MRPL13: variants seen among roughly 807,000 people sequenced by gnomAD.
The protein encoded by MRPL13 is mitochondrial ribosomal protein L13.
A neutral mutation model predicts 29.0 loss-of-function variants in MRPL13; 33 were observed. That is an observed-to-expected ratio of 1.14 (90% CI 0.86 to 1.52). The LOEUF is 1.52. Among genes scored for constraint, MRPL13 ranks in the 40% most tolerant of loss-of-function variants. The pLI is 0.00. For synonymous variants in MRPL13, 77 were observed against 68.4 expected (o/e 1.13, Z -0.62); for missense variants, 227 against 216.7 (o/e 1.05, Z -0.30).
At chr8:120,406,294 G>T (rs1307173983) in intron 6 of MRPL13, among the ~76,000 whole-genome samples, 1 of 152,092 alleles carries the variant, frequency 6.6e-6, no homozygotes, top group African/African-American at 2.4e-5. Context: ...ATTAAAGTAA[G>T]GCCTGTTAAG....
At chr8:120,440,423 TG>T (rs1813104433) in intron 2 of MRPL13, among the ~76,000 whole-genome samples, 1 of 152,042 alleles carries the variant, frequency 6.6e-6, no homozygotes, top group South Asian at 2.1e-4. Flanking sequence ...CCTGGCAACA[TG>T]GTGAAACCCT....
At chr8:120,404,027 A>C (rs1247203827) in intron 6 of MRPL13, among the ~76,000 whole-genome samples, 1 of 152,224 alleles carries the variant, frequency 6.6e-6, no homozygotes, top group East Asian at 1.9e-4. Context: ...AACTGCATCC[A>C]AAGTCTGGGA....
chr8:120,405,691 A>G (rs1398097623), intron 6 of MRPL13, among the ~76,000 whole-genome samples: 10 of 152,194 alleles, frequency 6.6e-5, no homozygotes, highest in Non-Finnish European at 1.2e-4. Context: ...CCCAAACTGT[A>G]GTTCAAGCAG....
chr8:120,399,445 T>G (rs1251110110), intron 6 of MRPL13, among the ~76,000 whole-genome samples: 2 of 152,084 alleles, frequency 1.3e-5, no homozygotes, highest in Non-Finnish European at 2.9e-5. Context: ...AAACAAATAC[T>G]GAGGGAATTC....
At chr8:120,399,381 T>A (rs1422541704) in intron 6 of MRPL13, among the ~76,000 whole-genome samples, 3 of 152,188 alleles carry the variant, frequency 2.0e-5, no homozygotes, top group Non-Finnish European at 4.4e-5. Flanking sequence ...CAGAATTTCA[T>A]GTCTGGCCAA....
At chr8:120,433,885 T>C (rs933420579) in intron 2 of MRPL13, among the ~76,000 whole-genome samples, 2 of 152,120 alleles carry the variant, frequency 1.3e-5, no homozygotes, top group Non-Finnish European at 2.9e-5. Flanking sequence ...AAACTGCACA[T>C]TTAATATATA....
chr8:120,441,424 G>A (rs756179022), intron 2 of MRPL13, among the ~76,000 whole-genome samples: 7 of 152,102 alleles, frequency 4.6e-5, no homozygotes, highest in Non-Finnish European at 1.0e-4. Context: ...AATTTTTGGT[G>A]AGAAGAGCAT....
chr8:120,413,435 A>G (rs913080678), intron 6 of MRPL13, among the ~76,000 whole-genome samples: 1 of 152,200 alleles, frequency 6.6e-6, no homozygotes, highest in African/African-American at 2.4e-5. Flanking sequence ...CTGCCTGAGG[A>G]AGTTACACTT....
intron 4 of MRPL13, among the ~76,000 whole-genome samples, chr8:120,421,679 C>T (rs776580096): frequency 2.6e-5 from 4 of 151,840 alleles, no homozygotes; most frequent in Non-Finnish European, 5.9e-5. Context: ...GGATTTAACT[C>T]TGAAATATTT....
intron 4 of MRPL13, among the ~76,000 whole-genome samples, chr8:120,424,956 A>G (rs1228449010): frequency 6.6e-6 from 1 of 152,084 alleles, no homozygotes; most frequent in African/African-American, 2.4e-5. Context: ...AGAAGAACAC[A>G]CTTAGCATGT....
chr8:120,404,005 T>C (rs944673922), intron 6 of MRPL13, among the ~76,000 whole-genome samples: 1 of 152,170 alleles, frequency 6.6e-6, no homozygotes, highest in Admixed American at 6.5e-5. Context: ...GAAATCTCTA[T>C]CCAAACATAA....
rs925270884 is a variant in MRPL13 at position 120,419,833 on chromosome 8, C to T, written c.393+19G>A. The stretch of plus-strand genomic sequence containing the variant: ...TGAAAATTTTGGAAAAGCATTGTTA[C>T]CAATGACCACTGACTTACCTCATCT... On this transcript the variant is annotated intron_variant, in intron 5 of 6. Transcript: ENST00000306185. 3 of 1,556,526 alleles carry T rather than the reference C, an allele frequency of 1.9e-6. No homozygotes were observed. Among genetic ancestry groups the T allele is most frequent in the African/African-American group, 1.4e-5 (1 of 72,126 alleles).
At chr8:120,403,833 C>CTT (rs1267071175) in intron 6 of MRPL13, among the ~76,000 whole-genome samples, 2 of 152,072 alleles carry the variant, frequency 1.3e-5, no homozygotes, top group Non-Finnish European at 2.9e-5. Flanking sequence ...GACTGACAGT[C>CTT]TACCAGCTGA....
At chr8:120,444,826 TC>T (rs750865381) in intron 1 of MRPL13, 9 of 502,988 alleles carry the variant, frequency 1.8e-5, no homozygotes, top group Admixed American at 3.2e-5. Context: ...CTAATCCTCT[TC>T]CCCCCGCCCC....
intron 4 of MRPL13, among the ~76,000 whole-genome samples, chr8:120,421,795 A>G (rs190566831): frequency 3.3e-5 from 5 of 151,968 alleles, no homozygotes; most frequent in East Asian, 1.9e-4. Context: ...TTTTAACATG[A>G]AAGTTATACT....
At chr8:120,432,890 C>T (rs966857064) in intron 2 of MRPL13, among the ~76,000 whole-genome samples, 2 of 151,774 alleles carry the variant, frequency 1.3e-5, no homozygotes, top group African/African-American at 4.8e-5. Context: ...TATAAAATAC[C>T]TATTTTACTA....
At chr8:120,404,632 A>G (rs1812643973) in intron 6 of MRPL13, among the ~76,000 whole-genome samples, 1 of 152,240 alleles carries the variant, frequency 6.6e-6, no homozygotes, top group Non-Finnish European at 1.5e-5. Context: ...CTTGTAAATA[A>G]CACATGCTGA....
intron 4 of MRPL13, among the ~76,000 whole-genome samples, chr8:120,423,579 C>T (rs1311351188): frequency 1.3e-5 from 2 of 152,056 alleles, no homozygotes; most frequent in Admixed American, 1.3e-4. Context: ...TGAATAATAG[C>T]TTCAAAAAGC....
At chr8:120,421,074 T>C (rs538415213) in intron 4 of MRPL13, among the ~76,000 whole-genome samples, 1 of 151,818 alleles carries the variant, frequency 6.6e-6, no homozygotes, top group African/African-American at 2.4e-5. Context: ...TTTTAAGAAA[T>C]TCAGAAAGTA....
Sources: allele counts gnomAD v4.1 joint callset (sites outside exome capture counted in the v4.1 genomes callset), GRCh38; gene constraint gnomAD v4.1.1; transcripts MANE v1.5; gene names NCBI Gene and HGNC (gene_info 2026-07-23, HGNC 2026-07-21).